The following LILRB4 variants were observed in gnomAD, a reference collection of about 807,000 sequenced individuals.
LILRB4 encodes the protein leukocyte immunoglobulin-like receptor subfamily B member 4.
In LILRB4, 49 loss-of-function variants were observed where a neutral mutation model predicts 55.2. The observed-to-expected ratio is 0.89, with a 90% CI of 0.71 to 1.13. The LOEUF (loss-of-function observed/expected upper bound fraction) is 1.13. Among genes scored for constraint, LILRB4 ranks in the 50% most tolerant of loss-of-function variants. LILRB4 has a pLI of 0.00. For missense variants in LILRB4, 590 were observed against 555.2 expected (o/e 1.06, Z -0.63); for synonymous variants, 229 against 213.8 (o/e 1.07, Z -0.62).
intron 1 of LILRB4, among the ~76,000 whole-genome samples, chr19:54,663,290 C>CAA (rs530941010): frequency 1.3e-5 from 2 of 151,624 alleles, no homozygotes; most frequent in African/African-American, 4.8e-5. Flanking sequence ...ACTAAAAATA[C>CAA]AAAAAATTAG....
In LILRB4 at chr19:54,666,970, T is replaced by G; in HGVS notation, c.1041+221T>G. 1 of 714,110 alleles carries G rather than the reference T, an allele frequency of 1.4e-6. No individual in the cohort carries two copies. 44.2% of individuals were successfully genotyped at this position (714,110 alleles called of 1,614,324 possible). On this transcript the variant is annotated intron_variant, in intron 10 of 11. Transcript: ENST00000430952. This position sits in a 1 kb window ranked among gnomAD's most constrained non-coding sequence, Gnocchi z 4.8. ...CCCCTTCCTGCTCCTCATCCTCTGT[T>G]TGGCCATCTGGTTGTTAGAGAGCTC...
In LILRB4 at chr19:54,665,931, G is replaced by T; in HGVS notation, c.874G>T (p.Ala292Ser). 6.2e-7 allele frequency: 1 copy of T among 1,613,904 alleles called. No individual in the cohort carries two copies. The stretch of plus-strand genomic sequence containing the variant: ...GCGTCAGGGAAAACACAGGACATTG[G>T]GTAAGTAGGAAATTGGGGGACCCGT... Residue 292 changes from alanine to serine, a missense_variant and splice_region_variant, in exon 7 of 12, where the codon GCC becomes TCC. Physicochemically the swap from Ala to Ser is moderately conservative, Grantham distance 99. Transcript: ENST00000430952. The surrounding 1 kb of genome is among the most constrained non-coding windows in gnomAD (Gnocchi z 5.5).
At position 54,666,796 on chromosome 19, in the gene LILRB4, G is replaced by A. The variant is rs760997803; in HGVS notation, c.1041+47G>A. 14 of 1,553,612 alleles carry A rather than the reference G, an allele frequency of 9.0e-6. No homozygotes were observed. Among genetic ancestry groups the A allele is most frequent in the Non-Finnish European group, 1.2e-5 (14 of 1,125,328 alleles). On this transcript the variant is annotated intron_variant, in intron 10 of 11. Coordinates refer to ENST00000430952, the Ensembl canonical transcript of LILRB4. The surrounding 1 kb of genome is among the most constrained non-coding windows in gnomAD (Gnocchi z 4.8). ...CGGCACCAAAGGCCTCCTGGTGCCA[G>A]ATCTAATCCTGCAGGACTTCTCTGT...
At position 54,663,520 on chromosome 19, in the gene LILRB4, A is replaced by T; in HGVS notation, c.35-12A>T. ...TTCCGGGGCAAATCCCTCACAGGGA[A>T]CTCTCTTCCAGGGCTGAGTCTGGGC... is the stretch of plus-strand genomic sequence containing the variant. On this transcript the variant is annotated splice_polypyrimidine_tract_variant and intron_variant, in intron 1 of 11. Coordinates refer to ENST00000430952, the Ensembl canonical transcript of LILRB4. The T allele has an allele frequency of 6.2e-7, 1 of 1,611,920 alleles. No homozygotes were observed. Among genetic ancestry groups the T allele is most frequent in the Non-Finnish European group, 8.5e-7 (1 of 1,179,728 alleles).
exon 12 of LILRB4, chr19:54,668,046 C>T (rs745747295): frequency 8.1e-6 from 13 of 1,613,308 alleles, no homozygotes; most frequent in Admixed American, 1.7e-5. Context: ...ACCCCACAAG[C>T]CATGGAGACT....
rs2065291901 is a variant in LILRB4 at position 54,666,807 on chromosome 19, G to A, written c.1041+58G>A. On this transcript the variant is annotated intron_variant, in intron 10 of 11. Coordinates refer to ENST00000430952, the Ensembl canonical transcript of LILRB4. This position sits in a 1 kb window ranked among gnomAD's most constrained non-coding sequence, Gnocchi z 4.8. The stretch of plus-strand genomic sequence containing the variant: ...GCCTCCTGGTGCCAGATCTAATCCT[G>A]CAGGACTTCTCTGTCCTCCTTCCCC... 9 of 1,504,120 alleles carry A rather than the reference G, an allele frequency of 6.0e-6. No individual in the cohort carries two copies. In the East Asian group the frequency reaches 1.1e-4, roughly 19 times the overall value. The allele number at this position is 1,504,120 out of a possible 1,614,324, so 93.2% of individuals were successfully genotyped here. A position where few individuals can be genotyped will look rare whatever the true frequency, so the allele number is the denominator to read the frequency against.
intron 1 of LILRB4, 31 bp downstream of exon 1, chr19:54,663,098 G>A (rs774293902): frequency 2.1e-5 from 33 of 1,595,676 alleles, no homozygotes; most frequent in African/African-American, 6.7e-5. Context: ...GGGGAGACCC[G>A]AGTCTTGGAG....
Position 54,666,541 on chromosome 19 carries a change from G to A in LILRB4, c.988+105G>A. On this transcript the variant is annotated intron_variant, in intron 9 of 11. Coordinates refer to ENST00000430952, the Ensembl canonical transcript of LILRB4. This position sits in a 1 kb window ranked among gnomAD's most constrained non-coding sequence, Gnocchi z 4.8. ...AGGCTAGGATTGGTCAGGGACTCAG[G>A]GAGAAGTGGTCTGAACCCACATTGT... is the stretch of plus-strand genomic sequence containing the variant. 2 of 1,490,340 alleles carry A rather than the reference G, an allele frequency of 1.3e-6. No individual in the cohort carries two copies. Among genetic ancestry groups the A allele is most frequent in the South Asian group, 1.2e-5 (1 of 83,198 alleles). 92.3% of individuals were successfully genotyped at this position (1,490,340 alleles called of 1,614,324 possible).
exon 5 of LILRB4, chr19:54,664,814 C>T: frequency 6.2e-7 from 1 of 1,604,502 alleles, no homozygotes; most frequent in Non-Finnish European, 8.5e-7. Context: ...TTGGAGGGTC[C>T]CAGGCCCTCA....
chr19:54,664,539 C>A, intron 4 of LILRB4, 54 bp downstream of exon 4: 1 of 1,519,934 alleles, frequency 6.6e-7, no homozygotes, highest in South Asian at 1.3e-5. Flanking sequence ...TCATGCCCTG[C>A]TGCCAGGAGA....
intron 4 of LILRB4, 102 bp from the exon 5 acceptor site, chr19:54,664,697 G>A (rs1207414132): frequency 1.8e-6 from 2 of 1,081,110 alleles, no homozygotes; most frequent in East Asian, 4.9e-5. Context: ...CAGAGAAATG[G>A]TCCTTGGGAA....
In LILRB4 at chr19:54,663,022, G is replaced by A. The variant is rs201956451; in HGVS notation, c.-12G>A. 393 of 1,613,878 alleles carry A rather than the reference G, an allele frequency of 2.4e-4. 1 individual carries two copies. Among genetic ancestry groups the A allele is most frequent in the Non-Finnish European group, 3.0e-4 (353 of 1,179,988 alleles). Reference sequence around the variant, plus strand: ...TCCATCTGCACAGCTGGGGCCCCTGGGAGGAGACGCCATGATCCCCACCTT... The same window carrying A: ...TCCATCTGCACAGCTGGGGCCCCTGAGAGGAGACGCCATGATCCCCACCTT... On this transcript the variant is annotated 5_prime_UTR_variant, in exon 1 of 12. Transcript: ENST00000430952.
At position 54,665,053 on chromosome 19, in the gene LILRB4, G is replaced by C. The variant is rs753323258; in HGVS notation, c.707-77G>C. 4 of 1,562,064 alleles carry C rather than the reference G, an allele frequency of 2.6e-6. No individual in the cohort carries two copies. The highest frequency in any genetic ancestry group is 3.5e-6 in the Non-Finnish European group (4 of 1,136,244). ...GAGGGGTGAGGGGGTCAAGGCTGAA[G>C]GAGATGTTGCGGGGAGAAGCCGAGC... On this transcript the variant is annotated intron_variant, in intron 5 of 11. Transcript: ENST00000430952. The surrounding 1 kb of genome is among the most constrained non-coding windows in gnomAD (Gnocchi z 5.5).
intron 1 of LILRB4, among the ~76,000 whole-genome samples, chr19:54,663,274 G>A (rs532396774): frequency 3.4e-4 from 51 of 151,838 alleles, no homozygotes; most frequent in Admixed American, 1.2e-3. Context: ...GTGAAACCCT[G>A]TCTCTACTAA....
At chr19:54,663,775 T>C (rs2065125300) in exon 3 of LILRB4, 2 of 1,613,746 alleles carry the variant, frequency 1.2e-6, no homozygotes, top group Admixed American at 1.7e-5. Context: ...AAACCCACCC[T>C]CTGGGCTGAG....
rs765329044 is a variant in LILRB4, at chr19:54,664,201, C to T, written c.371C>T (p.Pro124Leu). ...TCTCTCCTAGGAGCCTACAGTAAAC[C>T]CACCCTTTCAGCCCTGCCGAGTCCT... The change falls in exon 4 of 12, where the codon CCC (proline) becomes CTC (leucine). Residue 124 changes from proline (P) to leucine (L), a missense_variant. By Grantham distance (98) the Pro-to-Leu change is moderately conservative (BLOSUM62 -3). Coordinates refer to ENST00000430952, the Ensembl canonical transcript of LILRB4. The T allele has an allele frequency of 2.5e-5, 40 of 1,613,292 alleles. No individual in the cohort carries two copies. In the East Asian group the frequency reaches 6.2e-4, roughly 25 times the overall value.
In LILRB4 at chr19:54,666,196, G is replaced by A. The variant is rs536302819; in HGVS notation, c.875-44G>A. Reference sequence around the variant, plus strand: ...TTGACTTGCATGTGCAAGGCAGGTGGTTCTAACGTTCCCAGAGCTGAGACT... The same window carrying A: ...TTGACTTGCATGTGCAAGGCAGGTGATTCTAACGTTCCCAGAGCTGAGACT... On this transcript the variant is annotated intron_variant, in intron 7 of 11. Coordinates refer to ENST00000430952, the Ensembl canonical transcript of LILRB4. This position sits in a 1 kb window ranked among gnomAD's most constrained non-coding sequence, Gnocchi z 4.8. 3 of 1,525,110 alleles carry A rather than the reference G, an allele frequency of 2.0e-6. No individual in the cohort carries two copies. Among genetic ancestry groups the A allele is most frequent in the East Asian group, 2.3e-5 (1 of 44,272 alleles). 94.5% of individuals were successfully genotyped at this position (1,525,110 alleles called of 1,614,324 possible).
chr19:54,665,732 A>G lies in LILRB4; in HGVS notation c.758-83A>G. On this transcript the variant is annotated intron_variant, in intron 6 of 11. Transcript: ENST00000430952. The surrounding 1 kb of genome is among the most constrained non-coding windows in gnomAD (Gnocchi z 5.5). ...GAGGGTTGGAGGTAATGAAAGAAAGACCCAGCACACACAGTAGGTGCACAC... is the reference window on the plus strand; with the variant it reads ...GAGGGTTGGAGGTAATGAAAGAAAGGCCCAGCACACACAGTAGGTGCACAC... The G allele has an allele frequency of 6.8e-7, 1 of 1,479,124 alleles. No homozygotes were observed. The highest frequency in any genetic ancestry group is 9.3e-7 in the Non-Finnish European group (1 of 1,080,862). 91.6% of individuals were successfully genotyped at this position (1,479,124 alleles called of 1,614,324 possible). A position where few individuals can be genotyped will look rare whatever the true frequency, so the allele number is the denominator to read the frequency against.
Position 54,666,162 on chromosome 19 carries a change from C to T in LILRB4, c.875-78C>T. On this transcript the variant is annotated intron_variant, in intron 7 of 11. Transcript: ENST00000430952. This position sits in a 1 kb window ranked among gnomAD's most constrained non-coding sequence, Gnocchi z 4.8. Reference sequence around the variant, plus strand: ...TCCTTGCAAGTGTATTTTCAGGTTTCCTTTCCTCTTGACTTGCATGTGCAA... The same window carrying T: ...TCCTTGCAAGTGTATTTTCAGGTTTTCTTTCCTCTTGACTTGCATGTGCAA... The T allele has an allele frequency of 7.1e-7, 1 of 1,410,326 alleles. No homozygotes were observed. The highest frequency in any genetic ancestry group is 1.4e-5 in the South Asian group (1 of 72,848). 87.4% of individuals were successfully genotyped at this position (1,410,326 alleles called of 1,614,324 possible).
Sources: gnomAD v4.1 joint callset for allele counts (sites outside exome capture counted in the v4.1 genomes callset) on GRCh38, gnomAD v4.1.1 for gene constraint, Gnocchi (gnomAD v3.1) non-coding constraint, MANE v1.5 for transcripts, NCBI Gene and HGNC (gene_info 2026-07-23, HGNC 2026-07-21) for gene names.